AMDHD1: variants seen among roughly 807,000 people sequenced by gnomAD.
AMDHD1 encodes the protein amidohydrolase domain containing 1.
A neutral mutation model predicts 44.1 loss-of-function variants in AMDHD1; 45 were observed. That is an observed-to-expected ratio of 1.02 (90% confidence interval 0.80 to 1.31). The LOEUF is 1.31. AMDHD1 is among the 50% of genes most tolerant of loss of function. The pLI, the probability that AMDHD1 is intolerant of heterozygous loss-of-function variation, is 0.00. For synonymous variants in AMDHD1, 206 were observed against 205.0 expected (o/e 1.00, Z -0.04); for missense variants, 586 against 552.1 (o/e 1.06, Z -0.61).
chr12:95,959,871 C>T (rs565944677), intron 4 of AMDHD1, among the ~76,000 whole-genome samples: 1 of 145,690 alleles, frequency 6.9e-6, no homozygotes, highest in Non-Finnish European at 1.5e-5. Context: ...TCTCGGCTCA[C>T]TGCAACCTCC....
chr12:95,958,605 G>T (rs936133406), intron 4 of AMDHD1, among the ~76,000 whole-genome samples: 2 of 152,280 alleles, frequency 1.3e-5, no homozygotes, highest in African/African-American at 4.8e-5. Context: ...AAAAGTCTCA[G>T]TTTGAAGTGA....
intron 1 of AMDHD1, among the ~76,000 whole-genome samples, chr12:95,948,533 G>GT: frequency 1.3e-5 from 1 of 79,430 alleles, no homozygotes; most frequent in Non-Finnish European, 2.4e-5. Flanking sequence ...CGTCCGGGAG[G>GT]GAGGTGGGGG....
Position 95,952,842 on chromosome 12 carries a change from G to T in AMDHD1, c.244+19G>T. 2 of 1,462,650 alleles carry T rather than the reference G, an allele frequency of 1.4e-6. No homozygotes were observed. The highest frequency in any genetic ancestry group is 2.3e-5 in the South Asian group (2 of 87,132). The allele number at this position is 1,462,650 out of a possible 1,614,324, so 90.6% of individuals were successfully genotyped here. A position where few individuals can be genotyped will look rare whatever the true frequency, so the allele number is the denominator to read the frequency against. The stretch of plus-strand genomic sequence containing the variant: ...CTACCAGGTATTTACCTCTTTTTCA[G>T]TAAAGGTCTACAAGTAGCTTTAACA... On this transcript the variant is annotated intron_variant, in intron 2 of 8. Transcript: ENST00000266736.
At chr12:95,954,584 A>G (rs2080541076) in intron 2 of AMDHD1, among the ~76,000 whole-genome samples, 1 of 150,802 alleles carries the variant, frequency 6.6e-6, no homozygotes. Flanking sequence ...AAATAAAATA[A>G]AATAAAATAA....
chr12:95,943,673 T>C, intron 1 of AMDHD1, 138 bp downstream of exon 1: 1 of 1,216,118 alleles, frequency 8.2e-7, no homozygotes, highest in Non-Finnish European at 1.1e-6. Flanking sequence ...GCCTTTGGGG[T>C]ACCTGTTGCT....
intron 2 of AMDHD1, among the ~76,000 whole-genome samples, chr12:95,953,351 A>C (rs541450129): frequency 2.8e-4 from 43 of 152,280 alleles, no homozygotes; most frequent in African/African-American, 8.9e-4. Flanking sequence ...AAAATCCTAG[A>C]GCTTTCACTG....
At chr12:95,947,703 G>C (rs1428596469) in intron 1 of AMDHD1, among the ~76,000 whole-genome samples, 1 of 67,846 alleles carries the variant, frequency 1.5e-5, no homozygotes, top group Non-Finnish European at 2.7e-5. Flanking sequence ...ACCCCGTCCG[G>C]GAGGGAGATG....
At position 95,952,720 on chromosome 12, in the gene AMDHD1, T is replaced by C; in HGVS notation, c.141T>C (p.Asp47=). The C allele has an allele frequency of 6.3e-7, 1 of 1,595,518 alleles. No homozygotes were observed. ...LEGASLVVGK[D]GFIKAIGPAD... is the part of the protein sequence containing the mutation. ...CTATTTCTTGATTTTTCTTCAGAGATGGATTTATAAAAGCTATTGGTCCTG... is the reference window on the plus strand; with the variant it reads ...CTATTTCTTGATTTTTCTTCAGAGACGGATTTATAAAAGCTATTGGTCCTG... The change falls in exon 2 of 9, where the codon GAT becomes GAC. Residue 47 remains aspartate (D), a synonymous_variant. Coordinates refer to ENST00000266736, the MANE Select transcript of AMDHD1 (RefSeq NM_152435.3).
intron 1 of AMDHD1, among the ~76,000 whole-genome samples, chr12:95,952,256 C>T (rs2080528722): frequency 6.6e-6 from 1 of 152,046 alleles, no homozygotes; most frequent in Non-Finnish European, 1.5e-5. Context: ...GATTTGATTT[C>T]ATTCTTTTGC....
chr12:95,959,790 CTTTTTTTTTTTTT>C (rs63130861), intron 4 of AMDHD1, among the ~76,000 whole-genome samples: 2 of 67,360 alleles, frequency 3.0e-5, no homozygotes, highest in African/African-American at 6.2e-5. Flanking sequence ...GAAGATTATG[CTTTTTTTTTTTTT>C]TTTTTTTTTT....
At chr12:95,955,045 G>A (rs1470056895) in intron 3 of AMDHD1, 70 bp downstream of exon 3, 6 of 1,476,294 alleles carry the variant, frequency 4.1e-6, no homozygotes, top group Non-Finnish European at 4.7e-6. Context: ...AGAGTTAGTA[G>A]GCTATCAAGC....
Position 95,960,446 on chromosome 12 carries a change from C to T in AMDHD1, c.636C>T (p.Leu212=). The change falls in exon 5 of 9, where the codon CTC becomes CTT. Residue 212 remains leucine, a synonymous_variant. Transcript: ENST00000266736. ...EAADDIINNH[L]PKLKELGRNG... The stretch of plus-strand genomic sequence containing the variant: ...CTGATGACATCATCAATAACCACCT[C>T]CCAAAGCTGAAGGAACTTGGCAGAA... 6.2e-7 allele frequency: 1 copy of T among 1,614,210 alleles called. No individual in the cohort carries two copies. The highest frequency in any genetic ancestry group is 1.1e-5 in the South Asian group (1 of 91,086).
At chr12:95,964,919 T>C (rs527318659) in intron 6 of AMDHD1, among the ~76,000 whole-genome samples, 86 of 27,576 alleles carry the variant, frequency 3.1e-3, no homozygotes, top group African/African-American at 0.017. Context: ...CCTACAGAGA[T>C]GTTTGAGGCA....
Position 95,952,794 on chromosome 12 carries a change from T to C in AMDHD1, c.215T>C (p.Ile72Thr). Residue 72 changes from isoleucine (I) to threonine (T), a missense_variant, in exon 2 of 9, where the codon ATT becomes ACT. Physicochemically the swap from Ile to Thr is moderately conservative, Grantham distance 89. Coordinates refer to ENST00000266736, the MANE Select transcript of AMDHD1 (RefSeq NM_152435.3). ...QFSGETFEEI[I>T]DCSGKCILPG... Reference sequence around the variant, plus strand: ...TCTGGAGAAACTTTTGAAGAAATAATTGACTGCTCTGGGAAATGTATTCTA... The same window carrying C: ...TCTGGAGAAACTTTTGAAGAAATAACTGACTGCTCTGGGAAATGTATTCTA... 6.2e-7 allele frequency: 1 copy of C among 1,611,376 alleles called. No homozygotes were observed. The highest frequency in any genetic ancestry group is 8.5e-7 in the Non-Finnish European group (1 of 1,177,694).
rs777841138 is a variant in AMDHD1, at chr12:95,966,509, G to A, written c.1193+1G>A. On this transcript the variant is annotated splice_donor_variant, in intron 8 of 8. Transcript: ENST00000266736. LOFTEE classifies it high-confidence loss of function. ...ATCTCATTATCATCAATTCATCCCG[G>A]TGAGTGTGCTTCAACTTAGCTCTTT... The A allele has an allele frequency of 3.1e-6, 5 of 1,614,134 alleles. No homozygotes were observed. The highest frequency in any genetic ancestry group is 2.2e-5 in the South Asian group (2 of 91,084).
rs1293778113 is a variant in AMDHD1, at chr12:95,962,475, C to T, written c.934C>T (p.Leu312=). Reference sequence around the variant, plus strand: ...CCTTCTGCCCACCACAGCCTACATGCTGAGGTAAGGTCGTTTCTCACCCCA... The same window carrying T: ...CCTTCTGCCCACCACAGCCTACATGTTGAGGTAAGGTCGTTTCTCACCCCA... ...AILLPTTAYM[L]RLKQPRARKM... is the part of the protein sequence containing the mutation. The change falls in exon 6 of 9, where the codon CTG becomes TTG. Residue 312 remains leucine, a synonymous_variant. Transcript: ENST00000266736. 6.3e-7 allele frequency: 1 copy of T among 1,594,266 alleles called. No homozygotes were observed. The highest frequency in any genetic ancestry group is 2.3e-5 in the East Asian group (1 of 43,600).
At position 95,943,459 on chromosome 12, in the gene AMDHD1, C is replaced by G. The variant is rs1319237231; in HGVS notation, c.61C>G (p.Arg21Gly). The change falls in exon 1 of 9, where the codon CGC becomes GGC. Residue 21 changes from arginine (R) to glycine (G), a missense_variant. Transcript: ENST00000266736. ...NAQQVVLVCA[R>G]GERFLARDAL... ...GCAGCAAGTGGTGCTGGTGTGCGCC[C>G]GCGGCGAGCGCTTCCTGGCGCGGGA... is the stretch of plus-strand genomic sequence containing the variant. The G allele has an allele frequency of 2.7e-6, 4 of 1,503,820 alleles. No homozygotes were observed. The highest frequency in any genetic ancestry group is 1.2e-5 in the South Asian group (1 of 81,342). The allele number at this position is 1,503,820 out of a possible 1,614,324, so 93.2% of individuals were successfully genotyped here.
intron 4 of AMDHD1, 73 bp from the exon 5 acceptor site, chr12:95,960,325 A>G: frequency 7.4e-7 from 1 of 1,352,792 alleles, no homozygotes; most frequent in Non-Finnish European, 1.0e-6. Context: ...AGGTTCTTCA[A>G]GTGCCAGATT....
intron 6 of AMDHD1, among the ~76,000 whole-genome samples, chr12:95,964,039 A>AAAAAAAAAG (rs1415032414): frequency 6.6e-6 from 1 of 151,882 alleles, no homozygotes; most frequent in Non-Finnish European, 1.5e-5. Context: ...TCTTAAAAAA[A>AAAAAAAAAG]AAAAAAAAAA....
Sources: allele counts gnomAD v4.1 joint callset (sites outside exome capture counted in the v4.1 genomes callset), GRCh38; gene constraint gnomAD v4.1.1; transcripts MANE v1.5; gene names NCBI Gene and HGNC (gene_info 2026-07-23, HGNC 2026-07-21).